ADAM22: variants seen among roughly 807,000 people sequenced by gnomAD.
ADAM22 encodes the protein disintegrin and metalloproteinase domain-containing protein 22.
ADAM22 carries 65 observed loss-of-function variants against 144.6 expected under a neutral mutation model. That is an observed-to-expected ratio of 0.45 (90% CI 0.37 to 0.55). ADAM22 has a LOEUF of 0.55. ADAM22 is among the 20% of genes least tolerant of loss of function. The pLI is 0.00. For missense variants in ADAM22, 974 were observed against 1,184.9 expected, an observed-to-expected ratio of 0.82 and a Z score of 2.61; for synonymous variants, 391 against 412.6, an observed-to-expected ratio of 0.95 and a Z score of 0.63.
intron 1 of ADAM22, 101 bp downstream of exon 1, chr7:87,934,651 C>A: frequency 6.4e-6 from 6 of 942,094 alleles, no homozygotes; most frequent in South Asian, 3.9e-5. Context: ...TTCCCGAGTG[C>A]GCGGGGAGAT....
intron 2 of ADAM22, among the ~76,000 whole-genome samples, chr7:87,971,559 T>C (rs1301546743): frequency 2.6e-5 from 4 of 152,244 alleles, no homozygotes; most frequent in Non-Finnish European, 4.4e-5. Flanking sequence ...TTCATTCTTA[T>C]GTAGTAATTT....
intron 8 of ADAM22, among the ~76,000 whole-genome samples, chr7:88,125,950 C>CTTTCTACCATAGGCATGGTACA (rs1442587648): frequency 6.6e-6 from 1 of 151,966 alleles, no homozygotes; most frequent in Non-Finnish European, 1.5e-5. Context: ...GGCTTCTTTC[C>CTTTCTACCATAGGCATGGTACA]TTGCCCAGAT....
In ADAM22 at chr7:88,199,334, TTGA is replaced by T. The variant is rs1183804182; in HGVS notation, c.*2845_*2847del. 6.6e-6 allele frequency: 1 copy of T among 152,206 alleles called. No individual in the cohort carries two copies. Among genetic ancestry groups the T allele is most frequent in the African/African-American group, 2.4e-5 (1 of 41,444 alleles). The allele number at this position is 152,206 out of a possible 1,614,324, so 9.4% of individuals were successfully genotyped here. The stretch of plus-strand genomic sequence containing the variant: ...TTTTCCCCTCTTCCAGTTTTATGCA[TTGA>T]TAAGACTACAGATTGGCACCCTGCT... On this transcript the variant is annotated 3_prime_UTR_variant, in exon 32 of 32. Coordinates refer to ENST00000413139, the MANE Select transcript of ADAM22 (RefSeq NM_001324418.2).
chr7:88,122,939 A>C (rs1256455402), intron 7 of ADAM22, among the ~76,000 whole-genome samples: 1 of 152,178 alleles, frequency 6.6e-6, no homozygotes. Flanking sequence ...GAGTAGTTTT[A>C]TCAGTCTGCT....
intron 3 of ADAM22, among the ~76,000 whole-genome samples, chr7:88,038,073 C>T (rs1012553585): frequency 7.9e-5 from 12 of 152,178 alleles, no homozygotes; most frequent in Admixed American, 7.2e-4. Flanking sequence ...GGAAACCAGA[C>T]AACATCTTGT....
chr7:87,935,268 G>A (rs1840966777), intron 2 of ADAM22, 82 bp downstream of exon 2: 28 of 1,417,680 alleles, frequency 2.0e-5, no homozygotes, highest in Non-Finnish European at 2.4e-5. Context: ...TTGCCCTGGA[G>A]ATCCCATGTC....
chr7:88,153,040 A>G (rs1044729581), intron 20 of ADAM22, among the ~76,000 whole-genome samples, 181 bp from the exon 21 acceptor site: 1 of 152,170 alleles, frequency 6.6e-6, no homozygotes, highest in Non-Finnish European at 1.5e-5. Flanking sequence ...ATGAAAACCT[A>G]TCTGAGTCAT....
At chr7:88,130,089 C>T (rs1219585318) in intron 9 of ADAM22, among the ~76,000 whole-genome samples, 1 of 151,624 alleles carries the variant, frequency 6.6e-6, no homozygotes, top group African/African-American at 2.4e-5. Context: ...TTTTGAATAA[C>T]AATCCCAATA....
chr7:87,982,068 TACACAC>T (rs1175758724), intron 3 of ADAM22, among the ~76,000 whole-genome samples: 54 of 93,740 alleles, frequency 5.8e-4, no homozygotes, highest in Middle Eastern at 6.8e-3. Context: ...TATATATATA[TACACAC>T]ACACACACAC....
intron 30 of ADAM22, among the ~76,000 whole-genome samples, chr7:88,187,269 A>G (rs1454466907): frequency 1.3e-5 from 2 of 152,220 alleles, no homozygotes; most frequent in African/African-American, 4.8e-5. Context: ...TTATTTGTTC[A>G]GTATAACCAT....
At chr7:87,973,775 C>G (rs1482109078) in intron 2 of ADAM22, among the ~76,000 whole-genome samples, 1 of 152,128 alleles carries the variant, frequency 6.6e-6, no homozygotes, top group African/African-American at 2.4e-5. Context: ...ATGATGAGCT[C>G]ATGTCCTTTG....
intron 3 of ADAM22, among the ~76,000 whole-genome samples, chr7:88,069,409 T>TA (rs1438666766): frequency 2.0e-5 from 3 of 152,182 alleles, no homozygotes; most frequent in Admixed American, 6.6e-5. Context: ...GATATTCTGT[T>TA]ACAGCAGCAC....
chr7:88,065,815 T>C (rs971073597), intron 3 of ADAM22, among the ~76,000 whole-genome samples: 2 of 152,170 alleles, frequency 1.3e-5, no homozygotes, highest in African/African-American at 4.8e-5. Context: ...AATTATTCCT[T>C]AAATTCTTAG....
At chr7:88,192,587 C>T (rs572543839) in intron 30 of ADAM22, among the ~76,000 whole-genome samples, 3 of 152,216 alleles carry the variant, frequency 2.0e-5, no homozygotes, top group East Asian at 3.9e-4. Context: ...CCTGTATTTG[C>T]CTTTGTTCCT....
At chr7:88,008,065 C>A (rs1362232825) in intron 3 of ADAM22, among the ~76,000 whole-genome samples, 1 of 152,124 alleles carries the variant, frequency 6.6e-6, no homozygotes, top group Non-Finnish European at 1.5e-5. Flanking sequence ...AAAAAACAAA[C>A]AGCCCCATCA....
Position 88,128,601 on chromosome 7 carries a change from G to C in ADAM22, c.679-1G>C. The C allele has an allele frequency of 6.2e-7, 1 of 1,610,844 alleles. No individual in the cohort carries two copies. The highest frequency in any genetic ancestry group is 2.2e-5 in the East Asian group (1 of 44,818). Reference sequence around the variant, plus strand: ...GTGCTGTTTCCTTTCCTGTGTTACAGCTTCGTCGATATCCTCGTAATGTAG... The same window carrying C: ...GTGCTGTTTCCTTTCCTGTGTTACACCTTCGTCGATATCCTCGTAATGTAG... On this transcript the variant is annotated splice_acceptor_variant, in intron 8 of 31. Transcript: ENST00000413139. LOFTEE classifies it high-confidence loss of function.
chr7:88,104,182 T>C (rs751909783), intron 4 of ADAM22, among the ~76,000 whole-genome samples: 6 of 152,270 alleles, frequency 3.9e-5, no homozygotes, highest in East Asian at 1.9e-4. Context: ...TATGCCATCA[T>C]TGGAAAAAAT....
At chr7:87,952,810 C>G (rs1845608426) in intron 2 of ADAM22, among the ~76,000 whole-genome samples, 1 of 152,190 alleles carries the variant, frequency 6.6e-6, no homozygotes, top group South Asian at 2.1e-4. Flanking sequence ...ATTATTGCCA[C>G]AATTTCAGAT....
intron 4 of ADAM22, among the ~76,000 whole-genome samples, chr7:88,103,612 G>A (rs1056587981): frequency 6.6e-6 from 1 of 152,040 alleles, no homozygotes; most frequent in African/African-American, 2.4e-5. Context: ...CAAGGACAAT[G>A]GATTTATTTC....
Sources: allele counts gnomAD v4.1 joint callset (sites outside exome capture counted in the v4.1 genomes callset), GRCh38; gene constraint gnomAD v4.1.1; transcripts MANE v1.5; gene names NCBI Gene and HGNC (gene_info 2026-07-23, HGNC 2026-07-21).